CPE: variants seen among roughly 807,000 people sequenced by gnomAD.
CPE encodes carboxypeptidase E, also known as carbocypeptidase E.
CPE carries 17 observed loss-of-function variants against 53.5 expected under a neutral mutation model. That is an observed-to-expected ratio of 0.32 (90% CI 0.22 to 0.48). The LOEUF (loss-of-function observed/expected upper bound fraction) is 0.48, where lower values mean the gene tolerates loss of function less well. Among genes scored for constraint, CPE ranks in the 20% least tolerant of loss-of-function variants. The pLI, the probability that CPE is intolerant of heterozygous loss-of-function variation, is 0.99. For missense variants in CPE, 524 were observed against 614.7 expected, an observed-to-expected ratio of 0.85 and a Z score of 1.56; for synonymous variants, 226 against 228.8, an observed-to-expected ratio of 0.99 and a Z score of 0.11.
chr4:165,414,890 G>C (rs1731097148), intron 1 of CPE, among the ~76,000 whole-genome samples: 1 of 151,330 alleles, frequency 6.6e-6, no homozygotes, highest in Non-Finnish European at 1.5e-5. Flanking sequence ...GTGAACTTTA[G>C]TGACATTACA....
At chr4:165,427,405 A>G (rs915532588) in intron 1 of CPE, among the ~76,000 whole-genome samples, 1 of 151,926 alleles carries the variant, frequency 6.6e-6, no homozygotes, top group Non-Finnish European at 1.5e-5. Flanking sequence ...ACATTTTGTC[A>G]TAAACATTTC....
chr4:165,471,217 C>T (rs1732200621), intron 3 of CPE, among the ~76,000 whole-genome samples: 1 of 152,126 alleles, frequency 6.6e-6, no homozygotes, highest in African/African-American at 2.4e-5. Context: ...CCAATGTGTT[C>T]CCAGAATTAG....
At chr4:165,489,964 T>G (rs1422532790) in intron 6 of CPE, among the ~76,000 whole-genome samples, 1 of 152,214 alleles carries the variant, frequency 6.6e-6, no homozygotes, top group African/African-American at 2.4e-5. Context: ...TGAGTGGTAT[T>G]TATAACCAGC....
At chr4:165,399,214 A>T (rs962461871) in intron 1 of CPE, among the ~76,000 whole-genome samples, 22 of 152,350 alleles carry the variant, frequency 1.4e-4, no homozygotes, top group African/African-American at 5.3e-4. Flanking sequence ...ATATCAGAGC[A>T]TAAACAGCTG....
chr4:165,485,422 G>T (rs1456892181), intron 5 of CPE, among the ~76,000 whole-genome samples: 1 of 152,010 alleles, frequency 6.6e-6, no homozygotes. Flanking sequence ...TAATTTTGTT[G>T]AATTATGTGC....
intron 1 of CPE, among the ~76,000 whole-genome samples, chr4:165,443,271 CCTT>C (rs1204394826): frequency 2.0e-5 from 3 of 152,162 alleles, no homozygotes; most frequent in African/African-American, 4.8e-5. Flanking sequence ...TGTCTCCTCT[CCTT>C]CTCATCTCCC....
chr4:165,445,162 G>T, intron 1 of CPE, among the ~76,000 whole-genome samples: 1 of 152,068 alleles, frequency 6.6e-6, no homozygotes, highest in Non-Finnish European at 1.5e-5. Flanking sequence ...TGCCCTGTTG[G>T]CTGGGCTGGT....
chr4:165,382,802 G>C (rs1730524522), intron 1 of CPE, among the ~76,000 whole-genome samples: 1 of 152,142 alleles, frequency 6.6e-6, no homozygotes, highest in South Asian at 2.1e-4. Flanking sequence ...GGGTGTAGTT[G>C]AGGTTATCTC....
intron 7 of CPE, among the ~76,000 whole-genome samples, chr4:165,493,908 G>A (rs1007064566): frequency 6.6e-6 from 1 of 151,998 alleles, no homozygotes; most frequent in African/African-American, 2.4e-5. Flanking sequence ...CATTGATCCA[G>A]GTCATTTTAG....
intron 2 of CPE, 120 bp from the exon 3 acceptor site, chr4:165,467,568 G>A: frequency 2.2e-6 from 2 of 908,520 alleles, no homozygotes; most frequent in Non-Finnish European, 3.2e-6. Flanking sequence ...ACATGGGAGG[G>A]CATTGTTGAA....
chr4:165,444,755 A>G (rs1021781303), intron 1 of CPE, among the ~76,000 whole-genome samples: 3 of 152,088 alleles, frequency 2.0e-5, no homozygotes, highest in Non-Finnish European at 2.9e-5. Flanking sequence ...GGTTAGAGAG[A>G]TTCATCTTGG....
At chr4:165,487,415 C>T in intron 5 of CPE, 23 bp from the exon 6 acceptor site, 1 of 1,612,836 alleles carries the variant, frequency 6.2e-7, no homozygotes, top group South Asian at 1.1e-5. Flanking sequence ...CATATTTTGA[C>T]TTTCCATTTG....
At chr4:165,443,426 C>A (rs28668614) in intron 1 of CPE, among the ~76,000 whole-genome samples, 35,085 of 151,968 alleles carry the variant, frequency 0.23, 4,237 homozygotes, top group East Asian at 0.37. Context: ...AACAAAATAC[C>A]ACAGACTGGG....
rs116172145 is a variant in CPE, at chr4:165,467,647, A to G, written c.505-41A>G. 8.4e-4 allele frequency: 1,307 copies of G among 1,548,652 alleles called. 11 individuals carry two copies. The African/African-American group carries it at 0.015, about 18-fold the overall frequency. On this transcript the variant is annotated intron_variant, in intron 2 of 8. Transcript: ENST00000402744. ...CTTAAATAGAAAGTGACATAATAATAAGCAACTAATGATTTTTCTCTTTGA... is the reference window on the plus strand; with the variant it reads ...CTTAAATAGAAAGTGACATAATAATGAGCAACTAATGATTTTTCTCTTTGA...
At chr4:165,468,341 C>T (rs1320988047) in intron 3 of CPE, among the ~76,000 whole-genome samples, 1 of 152,088 alleles carries the variant, frequency 6.6e-6, no homozygotes, top group Non-Finnish European at 1.5e-5. Context: ...CCGTTATTTG[C>T]TTCCCTGGGC....
rs117676657 is a variant in CPE at position 165,447,654 on chromosome 4, T to C, written c.308-16736T>C. Among the ~76,000 whole-genome samples the C allele has an allele frequency of 2.1e-3, 314 of 152,208 alleles. 7 individuals are homozygous for C. In the East Asian group the frequency reaches 0.053, roughly 26 times the overall value. On this transcript the variant is annotated intron_variant, in intron 1 of 8. Coordinates refer to ENST00000402744, the MANE Select transcript of CPE (RefSeq NM_001873.4). ...CAAATTAACCTTAGCTTACAGTAAC[T>C]TTTTTTACATTATAAATTTAAAATT...
At chr4:165,442,025 T>G (rs1731620887) in intron 1 of CPE, among the ~76,000 whole-genome samples, 2 of 104,692 alleles carry the variant, frequency 1.9e-5, no homozygotes, top group Non-Finnish European at 3.9e-5. Context: ...GTGAGTTTGT[T>G]TTTTTTTTTT....
At chr4:165,380,019 G>T (rs185310079) in intron 1 of CPE, among the ~76,000 whole-genome samples, 73 of 151,506 alleles carry the variant, frequency 4.8e-4, no homozygotes, top group African/African-American at 1.8e-3. Flanking sequence ...GAACGAGGGA[G>T]AAAGAGTCAT....
At chr4:165,433,584 C>A (rs1003737149) in intron 1 of CPE, among the ~76,000 whole-genome samples, 1 of 152,202 alleles carries the variant, frequency 6.6e-6, no homozygotes, top group African/African-American at 2.4e-5. Flanking sequence ...GCCGGCCATA[C>A]GGTCTCTGTC....
Sources: allele counts gnomAD v4.1 joint callset (sites outside exome capture counted in the v4.1 genomes callset), GRCh38; gene constraint gnomAD v4.1.1; transcripts MANE v1.5; gene names NCBI Gene and HGNC (gene_info 2026-07-23, HGNC 2026-07-21).